Variants in YJU2 observed in about 807,000 individuals in gnomAD.
YJU2 encodes the protein splicing factor YJU2.
In YJU2, 28 loss-of-function variants were observed where a neutral mutation model predicts 39.6. The observed-to-expected ratio is 0.71, with a 90% CI of 0.52 to 0.97. The LOEUF (loss-of-function observed/expected upper bound fraction) is 0.97, where lower values mean the gene tolerates loss of function less well. YJU2 is among the 50% of genes least tolerant of loss of function. YJU2 has a pLI of 0.00. For synonymous variants in YJU2, 184 were observed against 182.4 expected (o/e 1.01, Z -0.07); for missense variants, 328 against 430.4 (o/e 0.76, Z 2.11).
chr19:4,248,978 A>G (rs376232130), intron 1 of YJU2, among the ~76,000 whole-genome samples: 1 of 152,096 alleles, frequency 6.6e-6, no homozygotes, highest in East Asian at 1.9e-4. Context: ...ACAGCATTTC[A>G]TGTGTATTGT....
intron 3 of YJU2, among the ~76,000 whole-genome samples, chr19:4,252,232 A>G (rs138242453): frequency 0.02 from 3,056 of 151,444 alleles, 68 homozygotes; most frequent in African/African-American, 0.052. Flanking sequence ...GGCCAAGGCA[A>G]GTGGATCAGT....
chr19:4,267,882 CT>C, intron 7 of YJU2, 108 bp downstream of exon 7: 2 of 988,282 alleles, frequency 2.0e-6, no homozygotes, highest in Non-Finnish European at 3.0e-6. Flanking sequence ...TGGGGGCGGC[CT>C]GCGACCCCCA....
At chr19:4,257,254 G>A (rs568758931) in intron 4 of YJU2, among the ~76,000 whole-genome samples, 3 of 152,012 alleles carry the variant, frequency 2.0e-5, no homozygotes, top group South Asian at 2.1e-4. Flanking sequence ...CCCAGGGCCC[G>A]GTGTACAGTA....
intron 6 of YJU2, among the ~76,000 whole-genome samples, chr19:4,263,987 G>A (rs1971093851): frequency 6.6e-6 from 1 of 151,280 alleles, no homozygotes; most frequent in Admixed American, 6.6e-5. Context: ...TCTCGGCCGG[G>A]CGCGGTGGCT....
intron 5 of YJU2, among the ~76,000 whole-genome samples, chr19:4,260,620 C>T (rs1338885249): frequency 6.6e-6 from 1 of 152,080 alleles, no homozygotes; most frequent in Non-Finnish European, 1.5e-5. Context: ...GCCTGTAGTC[C>T]TAGCTAACAT....
intron 6 of YJU2, among the ~76,000 whole-genome samples, chr19:4,264,127 T>A (rs1971095807): frequency 6.6e-6 from 1 of 150,706 alleles, no homozygotes. Flanking sequence ...CCGGGCGTGG[T>A]GGCGGGCGCC....
chr19:4,261,378 C>A (rs1160271617), intron 5 of YJU2, among the ~76,000 whole-genome samples: 1 of 152,136 alleles, frequency 6.6e-6, no homozygotes, highest in African/African-American at 2.4e-5. Context: ...GTAGTCCTAG[C>A]TGCTCGGTAG....
At chr19:4,267,820 C>A in intron 7 of YJU2, 46 bp downstream of exon 7, 1 of 1,548,144 alleles carries the variant, frequency 6.5e-7, no homozygotes, top group South Asian at 1.2e-5. Context: ...TCTATAGTGG[C>A]CTGTAGGTGG....
chr19:4,263,647 T>TA (rs1393587472), intron 6 of YJU2, among the ~76,000 whole-genome samples: 2 of 151,598 alleles, frequency 1.3e-5, no homozygotes, highest in Admixed American at 6.6e-5. Context: ...CTGTCTCTAC[T>TA]AAAAATACAA....
chr19:4,263,916 G>A (rs1971093099), intron 6 of YJU2, among the ~76,000 whole-genome samples: 1 of 151,622 alleles, frequency 6.6e-6, no homozygotes, highest in South Asian at 2.1e-4. Flanking sequence ...TTTGTTCATT[G>A]AAGAAGGTGG....
At chr19:4,257,172 C>T (rs148887376) in intron 4 of YJU2, among the ~76,000 whole-genome samples, 37 of 152,304 alleles carry the variant, frequency 2.4e-4, no homozygotes, top group African/African-American at 8.4e-4. Context: ...TCGCCTCCCT[C>T]AGCCTCAGTT....
chr19:4,252,293 C>G (rs1970983234), intron 3 of YJU2, among the ~76,000 whole-genome samples: 1 of 121,716 alleles, frequency 8.2e-6, no homozygotes, highest in African/African-American at 4.2e-5. Context: ...AACCCCAACT[C>G]TACTAAAAAA....
At chr19:4,257,955 G>A (rs967040470) in intron 4 of YJU2, among the ~76,000 whole-genome samples, 3 of 152,138 alleles carry the variant, frequency 2.0e-5, no homozygotes, top group African/African-American at 7.2e-5. Flanking sequence ...AGAAATCCAG[G>A]CCACCTGGGT....
rs149377747 is a variant in YJU2 at position 4,266,167 on chromosome 19, A to G, written c.709-1457A>G. Among the ~76,000 whole-genome samples, 699 of 151,742 alleles carry G rather than the reference A, an allele frequency of 4.6e-3. 5 individuals carry two copies. The highest frequency in any genetic ancestry group is 0.016 in the African/African-American group (669 of 41,374). On this transcript the variant is annotated intron_variant, in intron 6 of 7. Coordinates refer to ENST00000262962, the MANE Select transcript of YJU2 (RefSeq NM_018074.6). The stretch of plus-strand genomic sequence containing the variant: ...ACGGGCTTTCACCGTGTTAGCCAGG[A>G]TGGTCTCTATCTGACCTCGTGATCC...
In YJU2 at chr19:4,267,728, C is replaced by T. The variant is rs779034770; in HGVS notation, c.813C>T (p.Ala271=). Reference sequence around the variant, plus strand: ...TGGTCGTGGTGAAGAAGGCAAAGGCCGACCCGGACTGCAGCAACGGGCAGC... The same window carrying T: ...TGGTCGTGGTGAAGAAGGCAAAGGCTGACCCGGACTGCAGCAACGGGCAGC... ...SRLVVVKKAK[A]DPDCSNGQPQ... Residue 271 remains alanine (A), a synonymous_variant, in exon 7 of 8, where the codon GCC becomes GCT. Coordinates refer to ENST00000262962, the MANE Select transcript of YJU2 (RefSeq NM_018074.6). 33 of 1,612,936 alleles carry T rather than the reference C, an allele frequency of 2.0e-5. No individual in the cohort carries two copies. The East Asian group carries it at 2.9e-4, about 14-fold the overall frequency.
Position 4,267,644 on chromosome 19 carries a change from G to A in YJU2, c.729G>A (p.Lys243=). Residue 243 remains lysine, a synonymous_variant, in exon 7 of 8, where the codon AAG becomes AAA. Coordinates refer to ENST00000262962, the MANE Select transcript of YJU2 (RefSeq NM_018074.6). ...TGCAGGCCCCAAAGCCCAAGAGGAA[G>A]GTGGAGGTCTGGGAGCAGAGCGTTG... ...ILDEAPKPKR[K]VEVWEQSVGS... 1 of 1,613,338 alleles carries A rather than the reference G, an allele frequency of 6.2e-7. No homozygotes were observed. The highest frequency in any genetic ancestry group is 1.7e-5 in the Admixed American group (1 of 60,006).
intron 3 of YJU2, among the ~76,000 whole-genome samples, chr19:4,253,344 A>G (rs549959900): frequency 2.0e-5 from 3 of 152,286 alleles, no homozygotes; most frequent in Non-Finnish European, 2.9e-5. Context: ...TTGGAGGCCA[A>G]AGCAGGAGGA....
At position 4,254,486 on chromosome 19, in the gene YJU2, GA is replaced by G. The variant is rs1971002957; in HGVS notation, c.404del (p.Lys135ArgfsTer23). ...AGGACGAGGAGCTGAACAACCCCATGAAGGTGAGTCGGGGGCCATGTAGGTG... is the reference window on the plus strand; with the variant it reads ...AGGACGAGGAGCTGAACAACCCCATGAGGTGAGTCGGGGGCCATGTAGGTG... The part of the protein sequence containing the change: ...REDEELNNPM[K>X]VLENRTKDSK... On this transcript the variant is annotated frameshift_variant and splice_region_variant, in exon 4 of 8. Coordinates refer to ENST00000262962, the MANE Select transcript of YJU2 (RefSeq NM_018074.6). LOFTEE classifies it high-confidence loss of function. The G allele has an allele frequency of 6.3e-7, 1 of 1,594,612 alleles. No homozygotes were observed. The highest frequency in any genetic ancestry group is 1.8e-5 in the Admixed American group (1 of 56,360).
chr19:4,247,295 G>C, intron 1 of YJU2, 125 bp downstream of exon 1: 1 of 836,008 alleles, frequency 1.2e-6, no homozygotes, highest in Non-Finnish European at 1.9e-6. Flanking sequence ...CGCGAGATGG[G>C]GCTTCCCAGA....
Sources: allele counts gnomAD v4.1 joint callset (sites outside exome capture counted in the v4.1 genomes callset), GRCh38; gene constraint gnomAD v4.1.1; transcripts MANE v1.5; gene names NCBI Gene and HGNC (gene_info 2026-07-23, HGNC 2026-07-21).